The following DPF3 variants were observed in gnomAD, a reference collection of about 807,000 sequenced individuals.
DPF3 encodes zinc finger protein DPF3.
Under a neutral mutation model 56.8 loss-of-function variants are expected in DPF3, and 18 were observed. The observed-to-expected ratio is 0.32, with a 90% CI of 0.22 to 0.47. The LOEUF (loss-of-function observed/expected upper bound fraction) is 0.47, where lower values mean the gene tolerates loss of function less well. Ranked by LOEUF, DPF3 falls within the 20% of genes least tolerant of loss-of-function variation. The probability of loss-of-function intolerance (pLI) is 1.00; values close to 1 mark genes in which losing one functional copy is unlikely to be tolerated. For missense variants in DPF3, 403 were observed against 488.8 expected (o/e 0.82, Z 1.65); for synonymous variants, 188 against 180.2 (o/e 1.04, Z -0.35).
intron 1 of DPF3, among the ~76,000 whole-genome samples, chr14:72,850,601 C>T (rs1052944039): frequency 1.3e-5 from 2 of 152,156 alleles, no homozygotes; most frequent in Non-Finnish European, 2.9e-5. Flanking sequence ...CTTGGGCATG[C>T]CAGAGAGACA....
chr14:72,761,605 G>C (rs1202844401), intron 2 of DPF3, among the ~76,000 whole-genome samples: 1 of 151,742 alleles, frequency 6.6e-6, no homozygotes, highest in Non-Finnish European at 1.5e-5. Flanking sequence ...TAGTAGAAAA[G>C]AAATATCTTA....
intron 8 of DPF3, among the ~76,000 whole-genome samples, chr14:72,630,789 C>T (rs910251294): frequency 2.6e-5 from 4 of 152,220 alleles, no homozygotes; most frequent in East Asian, 1.9e-4. Context: ...GAGCACTCAC[C>T]GTTCTCCAGA....
intron 8 of DPF3, among the ~76,000 whole-genome samples, chr14:72,651,871 C>T (rs1410117007): frequency 1.3e-5 from 2 of 152,180 alleles, no homozygotes; most frequent in Non-Finnish European, 2.9e-5. Context: ...TGCAACCACC[C>T]AGATTGCCTT....
intron 8 of DPF3, among the ~76,000 whole-genome samples, chr14:72,663,485 GCA>G (rs1235000694): frequency 3.9e-5 from 6 of 152,320 alleles, no homozygotes; most frequent in African/African-American, 1.4e-4. Context: ...TCCTCTACTA[GCA>G]CAGTGATCCC....
chr14:72,846,391 AGTG>A (rs1344167069), intron 1 of DPF3, among the ~76,000 whole-genome samples: 1 of 131,258 alleles, frequency 7.6e-6, no homozygotes, highest in African/African-American at 3.0e-5. Flanking sequence ...GCTGGAGTGC[AGTG>A]GTGCGATCTC....
intron 1 of DPF3, among the ~76,000 whole-genome samples, chr14:72,852,350 G>A (rs1885017077): frequency 2.0e-5 from 3 of 152,202 alleles, no homozygotes; most frequent in Admixed American, 1.3e-4. Context: ...CCCTTCTTTA[G>A]TAAAACAACC....
rs1392490677 is a variant in DPF3, at chr14:72,614,840, C to T, written c.*4457G>A. On this transcript the variant is annotated 3_prime_UTR_variant, in exon 11 of 11. Transcript: ENST00000556509. Reference sequence around the variant, plus strand: ...CCTGCTGCCCTCCAGCTCCTTAGCTCGAGGATTTCTCCCTGAGGACATCCA... The same window carrying T: ...CCTGCTGCCCTCCAGCTCCTTAGCTTGAGGATTTCTCCCTGAGGACATCCA... Among the ~76,000 whole-genome samples, 2 of 151,308 alleles carry T rather than the reference C, an allele frequency of 1.3e-5. No individual in the cohort carries two copies. The highest frequency in any genetic ancestry group is 4.9e-5 in the African/African-American group (2 of 41,000).
intron 1 of DPF3, among the ~76,000 whole-genome samples, chr14:72,827,921 TA>T (rs1292672232): frequency 6.6e-6 from 1 of 152,038 alleles, no homozygotes; most frequent in Non-Finnish European, 1.5e-5. Flanking sequence ...CACTGCATTC[TA>T]GCCTGGGCAA....
Position 72,802,249 on chromosome 14 carries a change from C to T in DPF3, c.33-30356G>A, listed in dbSNP as rs1892921693. On this transcript the variant is annotated intron_variant, in intron 1 of 10. Coordinates refer to ENST00000556509, the MANE Select transcript of DPF3 (RefSeq NM_001280542.3). ...TATTTGAGAGAGGCCACAGGACCAG[C>T]GAGTGCAGAGTCATGGCGAACTGTA... 3.3e-5 allele frequency among the ~76,000 whole-genome samples: 5 copies of T among 152,142 alleles called. No homozygotes were observed. The South Asian group carries it at 1.0e-3, about 31-fold the overall frequency.
At chr14:72,882,547 C>T (rs527856499) in intron 1 of DPF3, among the ~76,000 whole-genome samples, 101 of 152,240 alleles carry the variant, frequency 6.6e-4, no homozygotes, top group African/African-American at 2.3e-3. Flanking sequence ...CATGGGGAAA[C>T]ATAAGGAATT....
At position 72,614,771 on chromosome 14, in the gene DPF3, G is replaced by A. The variant is rs1303958667; in HGVS notation, c.*4526C>T. 2.9e-4 allele frequency among the ~76,000 whole-genome samples: 8 copies of A among 27,590 alleles called. No homozygotes were observed. The highest frequency in any genetic ancestry group is 2.2e-3 in the Admixed American group (7 of 3,144). 18.1% of individuals were successfully genotyped at this position (27,590 alleles called of 152,430 possible). A position where few individuals can be genotyped will look rare whatever the true frequency, so the allele number is the denominator to read the frequency against. On this transcript the variant is annotated 3_prime_UTR_variant, in exon 11 of 11. Coordinates refer to ENST00000556509, the MANE Select transcript of DPF3 (RefSeq NM_001280542.3). ...AATAATCTGTTGCCCAGGATCACAA[G>A]CCTCAGAAAAAAAAAAAAGAGTTAC...
At chr14:72,725,412 C>T (rs1889362654) in intron 4 of DPF3, among the ~76,000 whole-genome samples, 1 of 151,874 alleles carries the variant, frequency 6.6e-6, no homozygotes, top group African/African-American at 2.4e-5. Flanking sequence ...CAAAGACTGG[C>T]CTTGTGAATG....
intron 3 of DPF3, among the ~76,000 whole-genome samples, chr14:72,751,807 T>A (rs1890586256): frequency 6.6e-6 from 1 of 152,160 alleles, no homozygotes; most frequent in Non-Finnish European, 1.5e-5. Flanking sequence ...ACAACACACA[T>A]GGCTTGCATT....
intron 8 of DPF3, among the ~76,000 whole-genome samples, chr14:72,633,224 T>C (rs1885270070): frequency 6.6e-6 from 1 of 152,146 alleles, no homozygotes; most frequent in Non-Finnish European, 1.5e-5. Flanking sequence ...TCCTTCTGTG[T>C]TGAGCATGCT....
Position 72,661,787 on chromosome 14 carries a change from C to T in DPF3, c.871+12453G>A, listed in dbSNP as rs1049180249. On this transcript the variant is annotated intron_variant, in intron 8 of 10. Transcript: ENST00000556509. ...GCCAGCTCAGCAGAAGGTTCCCTTT[C>T]CTCATCTCTTCTAGGAGTTGTTAGG... 1.0e-5 allele frequency: 10 copies of T among 985,130 alleles called. No individual in the cohort carries two copies. In the African/African-American group the frequency reaches 1.4e-4, roughly 14 times the overall value. 61.0% of individuals were successfully genotyped at this position (985,130 alleles called of 1,614,324 possible).
At position 72,824,561 on chromosome 14, in the gene DPF3, T is replaced by G. The variant is rs572632196; in HGVS notation, c.33-52668A>C. On this transcript the variant is annotated intron_variant, in intron 1 of 10. Transcript: ENST00000556509. The stretch of plus-strand genomic sequence containing the variant: ...TTACGTTTTCTTTTTCTTTTTTTTT[T>G]TTTGTTTGTTTGTTTGTTTGTTTTG... 5.7e-4 allele frequency among the ~76,000 whole-genome samples: 86 copies of G among 151,498 alleles called. 1 individual carries two copies. The highest frequency in any genetic ancestry group is 1.7e-3 in the African/African-American group (71 of 41,424).
At chr14:72,660,319 C>T (rs774784770) in intron 8 of DPF3, among the ~76,000 whole-genome samples, 2 of 152,052 alleles carry the variant, frequency 1.3e-5, no homozygotes, top group Non-Finnish European at 2.9e-5. Flanking sequence ...TAATGCAAGG[C>T]ATAACGTGAT....
rs1247878744 is a variant in DPF3 at position 72,616,422 on chromosome 14, T to C, written c.*2875A>G. Reference sequence around the variant, plus strand: ...CAGCCCATGCAAGTCATGATTTCCTTGGTCGCAGCCCAGCCCTGGCAATAT... The same window carrying C: ...CAGCCCATGCAAGTCATGATTTCCTCGGTCGCAGCCCAGCCCTGGCAATAT... On this transcript the variant is annotated 3_prime_UTR_variant, in exon 11 of 11. Coordinates refer to ENST00000556509, the MANE Select transcript of DPF3 (RefSeq NM_001280542.3). 2.6e-5 allele frequency among the ~76,000 whole-genome samples: 4 copies of C among 152,176 alleles called. No individual in the cohort carries two copies. The highest frequency in any genetic ancestry group is 9.6e-5 in the African/African-American group (4 of 41,454).
intron 1 of DPF3, among the ~76,000 whole-genome samples, chr14:72,851,757 C>T (rs1444359221): frequency 6.6e-6 from 1 of 152,182 alleles, no homozygotes; most frequent in Non-Finnish European, 1.5e-5. Flanking sequence ...ACAAAATGTC[C>T]ACTCGAGGAT....
Sources: gnomAD v4.1 joint callset for allele counts (sites outside exome capture counted in the v4.1 genomes callset) on GRCh38, gnomAD v4.1.1 for gene constraint, MANE v1.5 for transcripts, NCBI Gene and HGNC (gene_info 2026-07-23, HGNC 2026-07-21) for gene names.